The following GPR161 variants were observed in gnomAD, a reference collection of about 807,000 sequenced individuals.
GPR161 encodes the protein G protein-coupled receptor 161, also known as G-protein coupled receptor RE2.
A neutral mutation model predicts 39.2 loss-of-function variants in GPR161; 25 were observed. That is an observed-to-expected ratio of 0.64 (90% confidence interval 0.47 to 0.89). The LOEUF (loss-of-function observed/expected upper bound fraction) is 0.89, where lower values mean the gene tolerates loss of function less well. GPR161 is among the 40% of genes least tolerant of loss of function. The pLI is 0.00. For synonymous variants in GPR161, 286 were observed against 276.6 expected (o/e 1.03, Z -0.34); for missense variants, 547 against 677.8 (o/e 0.81, Z 2.14).
chr1:168,085,148 G>A lies in GPR161; in HGVS notation c.*383C>T, dbSNP rs1425899946. 2 of 455,620 alleles carry A rather than the reference G, an allele frequency of 4.4e-6. No homozygotes were observed. The highest frequency in any genetic ancestry group is 8.7e-6 in the Non-Finnish European group (2 of 229,212). 28.2% of individuals were successfully genotyped at this position (455,620 alleles called of 1,614,324 possible). A position where few individuals can be genotyped will look rare whatever the true frequency, so the allele number is the denominator to read the frequency against. On this transcript the variant is annotated 3_prime_UTR_variant, in exon 6 of 6. Transcript: ENST00000682931. The stretch of plus-strand genomic sequence containing the variant: ...GGCACAGTGCACGGCTGGACTCCCA[G>A]CACACTGTGAAGAGGAGGAAATGAT...
Position 168,096,768 on chromosome 1 carries a change from A to G in GPR161, c.839T>C (p.Met280Thr). The G allele has an allele frequency of 5.6e-6, 9 of 1,614,094 alleles. No individual in the cohort carries two copies. The highest frequency in any genetic ancestry group is 7.6e-6 in the Non-Finnish European group (9 of 1,180,014). ...ITILVVLGAF[M>T]VTWGPYMVVI... ...AACCATGTAGGGGCCCCAGGTGACC[A>G]TGAAGGCACCGAGGACCACCAGGAT... The change falls in exon 3 of 6, where the codon ATG becomes ACG. Residue 280 changes from methionine to threonine, a missense_variant. Met to Thr is a moderately conservative substitution (Grantham distance 81). Transcript: ENST00000682931.
intron 1 of GPR161, among the ~76,000 whole-genome samples, chr1:168,123,500 C>CTATCTATA (rs1326323063): frequency 1.3e-5 from 2 of 148,550 alleles, no homozygotes; most frequent in African/African-American, 5.0e-5. Flanking sequence ...CTATCTATAT[C>CTATCTATA]TATCTATATA....
chr1:168,131,194 C>T (rs574369055), intron 1 of GPR161, among the ~76,000 whole-genome samples: 1 of 152,242 alleles, frequency 6.6e-6, no homozygotes, highest in South Asian at 2.1e-4. Context: ...TTTCTCTCTT[C>T]TTCTTATTTT....
In GPR161 at chr1:168,084,116, TTA is replaced by T. The variant is rs1694261533; in HGVS notation, c.*1413_*1414del. 1 of 154,488 alleles carries T rather than the reference TTA, an allele frequency of 6.5e-6. No individual in the cohort carries two copies. The highest frequency in any genetic ancestry group is 2.0e-4 in the South Asian group (1 of 4,962). 9.6% of individuals were successfully genotyped at this position (154,488 alleles called of 1,614,324 possible). A position where few individuals can be genotyped will look rare whatever the true frequency, so the allele number is the denominator to read the frequency against. On this transcript the variant is annotated 3_prime_UTR_variant, in exon 6 of 6. Coordinates refer to ENST00000682931, the MANE Select transcript of GPR161 (RefSeq NM_001375883.1). ...AGCACAAAGGGAGGAGAAGAGAGGT[TTA>T]ACCATCCCAATCACATTCCTGTGCT...
intron 5 of GPR161, 52 bp from the exon 6 acceptor site, chr1:168,085,848 T>C: frequency 6.6e-7 from 1 of 1,512,822 alleles, no homozygotes; most frequent in Non-Finnish European, 9.0e-7. Context: ...GCCTGGGGAC[T>C]ACCTTGGGGA....
intron 2 of GPR161, among the ~76,000 whole-genome samples, chr1:168,104,173 G>T (rs369946099): frequency 2.0e-5 from 3 of 152,192 alleles, no homozygotes; most frequent in African/African-American, 4.8e-5. Context: ...AGTGCTGCCC[G>T]GAACTGAAAC....
intron 1 of GPR161, among the ~76,000 whole-genome samples, chr1:168,114,922 T>C (rs1697499569): frequency 6.6e-6 from 1 of 152,174 alleles, no homozygotes; most frequent in Non-Finnish European, 1.5e-5. Flanking sequence ...CAGCTCTTGA[T>C]CTCGGGTGGG....
Position 168,085,630 on chromosome 1 carries a change from GC to G in GPR161, c.1490del (p.Gly497AlafsTer13), listed in dbSNP as rs752347222. On this transcript the variant is annotated frameshift_variant, in exon 6 of 6. Transcript: ENST00000682931. LOFTEE classifies it low-confidence loss of function (END_TRUNC). Reference protein sequence around the residue: ...VLVTARTVPGGGFGGRRGSRT... With the variant: ...VLVTARTVPGXGFGGRRGSRT... Reference sequence around the variant, plus strand: ...TGCTGCCTCGGCGGCCCCCGAAGCCGCCCCCCGGGACAGTCCGTGCTGTAAC... The same window carrying G: ...TGCTGCCTCGGCGGCCCCCGAAGCCGCCCCCGGGACAGTCCGTGCTGTAAC... 6.2e-7 allele frequency: 1 copy of G among 1,613,926 alleles called. No homozygotes were observed. The highest frequency in any genetic ancestry group is 1.1e-5 in the South Asian group (1 of 91,076).
chr1:168,109,371 TA>T (rs1211171608), intron 1 of GPR161, among the ~76,000 whole-genome samples: 1 of 152,172 alleles, frequency 6.6e-6, no homozygotes, highest in Non-Finnish European at 1.5e-5. Context: ...GGCAGAATAT[TA>T]ACCTCACACC....
rs114401534 is a variant in GPR161 at position 168,135,167 on chromosome 1, C to A, written c.-45+1572G>T. On this transcript the variant is annotated intron_variant, in intron 1 of 5. Transcript: ENST00000682931. ...GTGGAGCTACAGGGCAGGGAGAAGC[C>A]CTGAGTTAAAGAACTCACCTGTGTG... is the stretch of plus-strand genomic sequence containing the variant. The A allele has an allele frequency of 8.4e-4, 1,009 of 1,197,826 alleles. 7 individuals are homozygous for A. In the African/African-American group the frequency reaches 0.013, roughly 16 times the overall value. The allele number at this position is 1,197,826 out of a possible 1,614,324, so 74.2% of individuals were successfully genotyped here.
chr1:168,137,407 G>T (rs114885433), upstream of GPR161: 5,465 of 1,535,078 alleles, frequency 3.6e-3, 181 homozygotes, highest in African/African-American at 0.066. Context: ...TCATCCAGCC[G>T]ACGGGCACGA....
chr1:168,099,850 T>C (rs1459823952), intron 2 of GPR161, among the ~76,000 whole-genome samples: 1 of 129,444 alleles, frequency 7.7e-6, no homozygotes, highest in Admixed American at 7.7e-5. Flanking sequence ...GGGGGGGGGT[T>C]GGTGTGGATA....
chr1:168,131,026 C>T (rs545972015), intron 1 of GPR161, among the ~76,000 whole-genome samples: 21 of 152,264 alleles, frequency 1.4e-4, no homozygotes, highest in African/African-American at 5.1e-4. Flanking sequence ...TCCATACTGA[C>T]TCTCTAGGAT....
intron 1 of GPR161, among the ~76,000 whole-genome samples, chr1:168,112,917 C>A (rs1697340459): frequency 1.3e-5 from 2 of 152,144 alleles, no homozygotes; most frequent in African/African-American, 4.8e-5. Context: ...GTCTTTAAGG[C>A]CTTCTGGTCC....
At chr1:168,116,100 A>G (rs564617110) in intron 1 of GPR161, among the ~76,000 whole-genome samples, 4 of 152,106 alleles carry the variant, frequency 2.6e-5, no homozygotes, top group African/African-American at 7.2e-5. Context: ...TTTTATCATA[A>G]AAGTCTCTTC....
Position 168,096,896 on chromosome 1 carries a change from G to T in GPR161, c.711C>A (p.Thr237=). ...VVIVEEDAQR[T]GRKNSSTSTS... ...TGGAGGTGCTGGAGTTCTTCCTCCC[G>T]GTCCTCTGAGCATCCTCCTCCACGA... Residue 237 remains threonine, a synonymous_variant, in exon 3 of 6, where the codon ACC becomes ACA. Transcript: ENST00000682931. 6.2e-7 allele frequency: 1 copy of T among 1,614,058 alleles called. No homozygotes were observed. Among genetic ancestry groups the T allele is most frequent in the Non-Finnish European group, 8.5e-7 (1 of 1,180,014 alleles).
intron 1 of GPR161, among the ~76,000 whole-genome samples, chr1:168,132,725 T>C (rs370979310): frequency 6.6e-6 from 1 of 151,946 alleles, no homozygotes; most frequent in East Asian, 1.9e-4. Context: ...CATTTTTAGG[T>C]TTGTTTTTGT....
In GPR161 at chr1:168,084,721, C is replaced by T. The variant is rs949069148; in HGVS notation, c.*810G>A. 4.7e-5 allele frequency: 20 copies of T among 422,862 alleles called. No individual in the cohort carries two copies. Among genetic ancestry groups the T allele is most frequent in the Admixed American group, 3.0e-4 (11 of 36,880 alleles). 26.2% of individuals were successfully genotyped at this position (422,862 alleles called of 1,614,324 possible). On this transcript the variant is annotated 3_prime_UTR_variant, in exon 6 of 6. Transcript: ENST00000682931. ...CTCTATTTCCTGGCTGTGCTTGGCA[C>T]TACAGTCCCATTCAGTCCGGTAAAA...
intron 3 of GPR161, among the ~76,000 whole-genome samples, chr1:168,095,357 A>C (rs571384748): frequency 3.9e-5 from 6 of 152,358 alleles, no homozygotes; most frequent in Admixed American, 3.9e-4. Context: ...CCCCAGTGTT[A>C]ACGTTTTAGA....
Sources: allele counts gnomAD v4.1 joint callset (sites outside exome capture counted in the v4.1 genomes callset), GRCh38; gene constraint gnomAD v4.1.1; transcripts MANE v1.5; gene names NCBI Gene and HGNC (gene_info 2026-07-23, HGNC 2026-07-21).